Variants in C8B observed in about 807,000 individuals in gnomAD.
The protein encoded by C8B is complement C8 beta chain, also known as complement component C8 beta chain.
Under a neutral mutation model 64.6 loss-of-function variants are expected in C8B, and 67 were observed. That is an observed-to-expected ratio of 1.04 (90% CI 0.85 to 1.27). The LOEUF is 1.27. C8B is among the 50% of genes most tolerant of loss of function. The probability of loss-of-function intolerance (pLI) is 0.00; values close to 1 mark genes in which losing one functional copy is unlikely to be tolerated. For synonymous variants in C8B, 284 were observed against 257.7 expected, an observed-to-expected ratio of 1.10 and a Z score of -0.98; for missense variants, 790 against 725.2, an observed-to-expected ratio of 1.09 and a Z score of -1.03.
chr1:56,952,709 T>C (rs1248351707), intron 4 of C8B, among the ~76,000 whole-genome samples: 3 of 152,216 alleles, frequency 2.0e-5, no homozygotes, highest in Admixed American at 2.0e-4. Context: ...ATCTCTGTTC[T>C]GCCCCTTACT....
chr1:56,940,990 C>CATGG lies in C8B; in HGVS notation c.1253_1256dup (p.Met419IlefsTer16). 2 of 1,614,118 alleles carry CATGG rather than the reference C, an allele frequency of 1.2e-6. No individual in the cohort carries two copies. The highest frequency in any genetic ancestry group is 1.7e-6 in the Non-Finnish European group (2 of 1,180,022). Reference sequence around the variant, plus strand: ...GTACCAGGACCACCAAGTCCTCCACCATGGTGTCCCTCTTGTTTCTGTCTG... The same window carrying CATGG: ...GTACCAGGACCACCAAGTCCTCCACCATGGATGGTGTCCCTCTTGTTTCTGTCTG... On this transcript the variant is annotated frameshift_variant, in exon 9 of 12. Transcript: ENST00000371237. LOFTEE classifies it high-confidence loss of function.
intron 10 of C8B, 79 bp downstream of exon 10, chr1:56,933,256 G>A: frequency 2.5e-6 from 3 of 1,208,520 alleles, no homozygotes; most frequent in Non-Finnish European, 3.7e-6. Context: ...TCAGTAAACA[G>A]AAGCAGGCAA....
intron 3 of C8B, among the ~76,000 whole-genome samples, chr1:56,956,235 A>T (rs750643335): frequency 1.3e-5 from 2 of 152,100 alleles, no homozygotes; most frequent in Non-Finnish European, 2.9e-5. Flanking sequence ...TTAACCCCAG[A>T]CCTCTGAGAG....
intron 6 of C8B, among the ~76,000 whole-genome samples, chr1:56,947,488 C>A (rs1035497853): frequency 4.6e-5 from 7 of 152,170 alleles, no homozygotes; most frequent in Non-Finnish European, 1.0e-4. Context: ...TACCTACTTA[C>A]CTTTTAAATT....
chr1:56,942,284 T>A (rs1644874316), intron 8 of C8B, among the ~76,000 whole-genome samples: 1 of 152,216 alleles, frequency 6.6e-6, no homozygotes, highest in African/African-American at 2.4e-5. Context: ...CAGCTGACAC[T>A]TACTAAACAG....
chr1:56,954,547 A>T (rs746345400), intron 4 of C8B, 139 bp downstream of exon 4: 6 of 1,162,740 alleles, frequency 5.2e-6, no homozygotes, highest in Non-Finnish European at 7.6e-6. Context: ...AGCAACCGGA[A>T]GTGTTACTTA....
At chr1:56,950,882 T>C (rs1325955280) in intron 5 of C8B, among the ~76,000 whole-genome samples, 1 of 152,192 alleles carries the variant, frequency 6.6e-6, no homozygotes, top group African/African-American at 2.4e-5. Context: ...ATGTCCTGCC[T>C]GAGTTAGGAT....
chr1:56,951,980 G>A (rs941675730), intron 5 of C8B, 68 bp downstream of exon 5: 62 of 717,306 alleles, frequency 8.6e-5, no homozygotes, highest in Non-Finnish European at 9.8e-5. Flanking sequence ...CTGTCAGGCC[G>A]GACCATGGAC....
At chr1:56,943,474 G>A (rs1459532909) in intron 8 of C8B, among the ~76,000 whole-genome samples, 1 of 152,198 alleles carries the variant, frequency 6.6e-6, no homozygotes, top group Non-Finnish European at 1.5e-5. Context: ...CACAGGACTG[G>A]AAGGATTATA....
intron 1 of C8B, among the ~76,000 whole-genome samples, chr1:56,964,864 G>A (rs891124569): frequency 2.6e-5 from 4 of 152,146 alleles, no homozygotes; most frequent in Admixed American, 1.3e-4. Context: ...ATGCTTCTCT[G>A]TGTACACACA....
In C8B at chr1:56,945,901, G is replaced by T; in HGVS notation, c.1025C>A (p.Thr342Asn). Reference sequence around the variant, plus strand: ...AAGCACAGCCTCTGTGATGTAGTGGGTCCCAAAATCACGGAAGAGATCTCT... The same window carrying T: ...AAGCACAGCCTCTGTGATGTAGTGGTTCCCAAAATCACGGAAGAGATCTCT... The part of the protein sequence containing the change: ...EYRDLFRDFG[T>N]HYITEAVLGG... The change falls in exon 7 of 12, where the codon ACC becomes AAC. Residue 342 changes from threonine to asparagine, a missense_variant. Transcript: ENST00000371237. 1.2e-6 allele frequency: 2 copies of T among 1,614,098 alleles called. No homozygotes were observed.
At chr1:56,965,127 A>G (rs1004756928) in intron 1 of C8B, among the ~76,000 whole-genome samples, 1 of 152,212 alleles carries the variant, frequency 6.6e-6, no homozygotes, top group Admixed American at 6.5e-5. Flanking sequence ...ATGGAATTAC[A>G]GTCCCTCTTC....
At chr1:56,938,250 A>G (rs1644801567) in intron 9 of C8B, among the ~76,000 whole-genome samples, 1 of 152,120 alleles carries the variant, frequency 6.6e-6, no homozygotes, top group African/African-American at 2.4e-5. Context: ...TTGCGTCTGC[A>G]TTTTAAGAAC....
rs185767410 is a variant in C8B at position 56,940,536 on chromosome 1, C to T, written c.1398+313G>A. 5.2e-3 allele frequency among the ~76,000 whole-genome samples: 791 copies of T among 151,928 alleles called. 2 individuals carry two copies. The highest frequency in any genetic ancestry group is 0.018 in the African/African-American group (756 of 41,420). ...AATCAGCCAAGATCATGCCACTGAA[C>T]CCTAACCTGGGTAACAGAGCAAGAC... On this transcript the variant is annotated intron_variant, in intron 9 of 11. Transcript: ENST00000371237.
At chr1:56,947,941 C>T (rs1017905315) in intron 6 of C8B, among the ~76,000 whole-genome samples, 2 of 90,810 alleles carry the variant, frequency 2.2e-5, no homozygotes, top group East Asian at 5.5e-4. Context: ...AAAAACAAAA[C>T]AAAACAAAAC....
intron 11 of C8B, among the ~76,000 whole-genome samples, chr1:56,931,021 A>C (rs1246029870): frequency 1.3e-5 from 2 of 152,186 alleles, no homozygotes; most frequent in Non-Finnish European, 2.9e-5. Flanking sequence ...TTTCAATCCA[A>C]GCTGAGTTTA....
intron 6 of C8B, among the ~76,000 whole-genome samples, chr1:56,948,266 T>G (rs1237630691): frequency 6.6e-6 from 1 of 152,286 alleles, no homozygotes; most frequent in East Asian, 1.9e-4. Context: ...AACTATTTAG[T>G]TGGGCACAGT....
rs1479721381 is a variant in C8B, at chr1:56,956,795, C to A, written c.365G>T (p.Cys122Phe). The part of the protein sequence containing the change: ...TNRPCGSQVR[C>F]EGFVCAQTGR... ...TGTCTGTGCACACACAAAGCCTTCA[C>A]ATCGCACTTGACTTCCGCATGGTCT... The change falls in exon 3 of 12, where the codon TGT becomes TTT. Residue 122 changes from cysteine (C) to phenylalanine (F), a missense_variant. Transcript: ENST00000371237. 1.2e-6 allele frequency: 2 copies of A among 1,613,974 alleles called. No homozygotes were observed. The highest frequency in any genetic ancestry group is 1.7e-6 in the Non-Finnish European group (2 of 1,180,008).
chr1:56,942,877 C>A lies in C8B; in HGVS notation c.1234+819G>T, dbSNP rs192086999. Among the ~76,000 whole-genome samples, 413 of 151,552 alleles carry A rather than the reference C, an allele frequency of 2.7e-3. 1 individual carries two copies. Among genetic ancestry groups the A allele is most frequent in the Non-Finnish European group, 5.1e-3 (346 of 67,892 alleles). ...CTTGAGCCCAAGAGTTTGAGACCAG[C>A]TGGGCAACATGGCAAAACCCTGTCT... On this transcript the variant is annotated intron_variant, in intron 8 of 11. Transcript: ENST00000371237.
Sources: gnomAD v4.1 joint callset for allele counts (sites outside exome capture counted in the v4.1 genomes callset) on GRCh38, gnomAD v4.1.1 for gene constraint, MANE v1.5 for transcripts, NCBI Gene and HGNC (gene_info 2026-07-23, HGNC 2026-07-21) for gene names.